The following NBAS variants were observed in gnomAD, a reference collection of about 807,000 sequenced individuals.
NBAS encodes NAG/BC035112 fusion.
A neutral mutation model predicts 302.5 loss-of-function variants in NBAS; 219 were observed. The observed-to-expected ratio is 0.72, with a 90% CI of 0.65 to 0.81. The LOEUF (loss-of-function observed/expected upper bound fraction) is 0.81. Among genes scored for constraint, NBAS ranks in the 30% least tolerant of loss-of-function variants. The pLI is 0.00. For synonymous variants in NBAS, 1,118 were observed against 1,021.6 expected, an observed-to-expected ratio of 1.09 and a Z score of -1.80; for missense variants, 2,932 against 2,841.6, an observed-to-expected ratio of 1.03 and a Z score of -0.72.
rs986680638 is a variant in NBAS, at chr2:15,178,913, G to C, written c.6840+75C>G. 6.0e-5 allele frequency: 96 copies of C among 1,592,890 alleles called. 1 individual carries two copies. In the South Asian group the frequency reaches 1.0e-3, roughly 17 times the overall value. ...CAATTAACCACGGTGTTATTTATGA[G>C]AATGAAAGTGCTAATTCATTCCTTT... On this transcript the variant is annotated intron_variant, in intron 51 of 51. Coordinates refer to ENST00000281513, the MANE Select transcript of NBAS (RefSeq NM_015909.4).
chr2:15,076,247 C>T, the NBAS span, among the ~76,000 whole-genome samples: 1 of 152,206 alleles, frequency 6.6e-6, no homozygotes, highest in East Asian at 1.9e-4. Context: ...TGAAGTTTGG[C>T]ATTGAAAACC....
At chr2:14,949,136 T>G in the NBAS span, among the ~76,000 whole-genome samples, 1 of 152,172 alleles carries the variant, frequency 6.6e-6, no homozygotes, top group East Asian at 1.9e-4. Context: ...ACTACGAAAC[T>G]TCTAGAAACA....
At chr2:15,319,380 C>A (rs1462026038) in intron 38 of NBAS, among the ~76,000 whole-genome samples, 3 of 151,798 alleles carry the variant, frequency 2.0e-5, no homozygotes, top group African/African-American at 7.3e-5. Context: ...TAGCAGAAGG[C>A]AAGAAATAAC....
At chr2:14,965,204 A>G in the NBAS span, among the ~76,000 whole-genome samples, 1 of 152,172 alleles carries the variant, frequency 6.6e-6, no homozygotes, top group African/African-American at 2.4e-5. Flanking sequence ...TTGATAAAAT[A>G]GAAAACAGAA....
At chr2:15,199,070 T>C (rs1452221878) in intron 48 of NBAS, among the ~76,000 whole-genome samples, 1 of 136,818 alleles carries the variant, frequency 7.3e-6, no homozygotes, top group Non-Finnish European at 1.5e-5. Context: ...GAGCTTGCAG[T>C]GAGCTGAGAT....
At chr2:15,286,833 C>T (rs1235854677) in intron 42 of NBAS, among the ~76,000 whole-genome samples, 1 of 152,096 alleles carries the variant, frequency 6.6e-6, no homozygotes, top group Non-Finnish European at 1.5e-5. Context: ...ATCATTGTAA[C>T]CCTAGTGGCT....
intron 11 of NBAS, among the ~76,000 whole-genome samples, chr2:15,503,592 TC>T (rs1431382208): frequency 2.0e-5 from 3 of 152,146 alleles, no homozygotes; most frequent in Non-Finnish European, 4.4e-5. Context: ...CAGAGGCAGT[TC>T]CTAAGTATCA....
chr2:15,215,736 T>G (rs1304680888), intron 48 of NBAS, among the ~76,000 whole-genome samples: 1 of 152,090 alleles, frequency 6.6e-6, no homozygotes, highest in Non-Finnish European at 1.5e-5. Context: ...CACAACATCC[T>G]CTATCTCCTC....
the NBAS span, among the ~76,000 whole-genome samples, chr2:14,966,889 C>T: frequency 6.6e-6 from 1 of 152,058 alleles, no homozygotes; most frequent in African/African-American, 2.4e-5. Flanking sequence ...ATCATCTACG[C>T]AGAACATCTG....
At chr2:14,990,658 G>A in the NBAS span, among the ~76,000 whole-genome samples, 1 of 152,068 alleles carries the variant, frequency 6.6e-6, no homozygotes, top group Non-Finnish European at 1.5e-5. Context: ...TAGAGACAGG[G>A]CCTCACTATG....
intron 35 of NBAS, among the ~76,000 whole-genome samples, chr2:15,332,176 A>G (rs1672384678): frequency 6.6e-6 from 1 of 152,192 alleles, no homozygotes; most frequent in Non-Finnish European, 1.5e-5. Flanking sequence ...TAAATCTACC[A>G]ACACCATGAA....
At chr2:15,047,405 G>A in the NBAS span, among the ~76,000 whole-genome samples, 1 of 152,006 alleles carries the variant, frequency 6.6e-6, no homozygotes, top group East Asian at 2.0e-4. Context: ...ACCCCTGCAG[G>A]TGAAGGCTGG....
At chr2:15,065,804 T>C in the NBAS span, among the ~76,000 whole-genome samples, 77,105 of 151,822 alleles carry the variant, frequency 0.51, 21,841 homozygotes, top group Non-Finnish European at 0.62. Context: ...TACTGCTAAA[T>C]TGCCCCTACT....
chr2:15,243,480 T>C (rs1213209358), intron 44 of NBAS, among the ~76,000 whole-genome samples: 1 of 151,708 alleles, frequency 6.6e-6, no homozygotes, highest in Non-Finnish European at 1.5e-5. Context: ...TGAGAGACTA[T>C]CTACCGAAAG....
Position 15,218,900 on chromosome 2 carries a change from G to T in NBAS, c.6305C>A (p.Pro2102Gln). ...CAGCACGTGAATGCGGGGCCGCACC[G>T]GCCAGGCGTCATCAGCACAGAAAGG... is the stretch of plus-strand genomic sequence containing the variant. ...LRPFCADDAWPVRPRIHVLQI... is the reference protein window; with the variant it reads ...LRPFCADDAWQVRPRIHVLQI... The change falls in exon 48 of 52, where the codon CCG becomes CAG. Residue 2102 changes from proline to glutamine, a missense_variant. Pro to Gln is a moderately conservative substitution (Grantham distance 76, BLOSUM62 -1). Transcript: ENST00000281513. 2 of 1,614,254 alleles carry T rather than the reference G, an allele frequency of 1.2e-6. No individual in the cohort carries two copies. The highest frequency in any genetic ancestry group is 1.1e-5 in the South Asian group (1 of 91,086).
chr2:14,871,710 TA>T, the NBAS span, among the ~76,000 whole-genome samples: 1 of 152,108 alleles, frequency 6.6e-6, no homozygotes, highest in Non-Finnish European at 1.5e-5. Flanking sequence ...TAATATTACA[TA>T]AAAGTAGACT....
intron 21 of NBAS, among the ~76,000 whole-genome samples, chr2:15,446,062 A>G (rs1222569866): frequency 6.6e-6 from 1 of 152,000 alleles, no homozygotes; most frequent in African/African-American, 2.4e-5. Flanking sequence ...CACATGGTCA[A>G]CATACATATA....
chr2:14,796,398 T>C, the NBAS span, among the ~76,000 whole-genome samples: 2 of 152,216 alleles, frequency 1.3e-5, no homozygotes, highest in Non-Finnish European at 1.5e-5. Flanking sequence ...GGATTTTGAT[T>C]GAGTTTACCT....
At chr2:15,322,747 G>A (rs1285454910) in intron 38 of NBAS, among the ~76,000 whole-genome samples, 1 of 152,036 alleles carries the variant, frequency 6.6e-6, no homozygotes, top group African/African-American at 2.4e-5. Context: ...TTTAATCTGT[G>A]TCATTTATAA....
Sources: allele counts gnomAD v4.1 joint callset (sites outside exome capture counted in the v4.1 genomes callset), GRCh38; gene constraint gnomAD v4.1.1; transcripts MANE v1.5; gene names NCBI Gene and HGNC (gene_info 2026-07-23, HGNC 2026-07-21).